Variants in GOPC observed in about 807,000 individuals in gnomAD.
GOPC encodes golgi associated PDZ and coiled-coil motif containing.
Under a neutral mutation model 51.2 loss-of-function variants are expected in GOPC, and 32 were observed. The observed-to-expected ratio is 0.63, with a 90% CI of 0.47 to 0.84. GOPC has a LOEUF of 0.84. GOPC is among the 40% of genes least tolerant of loss of function. GOPC has a pLI of 0.00. For missense variants in GOPC, 441 were observed against 555.5 expected, an observed-to-expected ratio of 0.79 and a Z score of 2.07; for synonymous variants, 190 against 205.1, an observed-to-expected ratio of 0.93 and a Z score of 0.63.
intron 7 of GOPC, 29 bp downstream of exon 7, chr6:117,569,543 C>A (rs1779764685): frequency 6.2e-7 from 1 of 1,608,768 alleles, no homozygotes; most frequent in African/African-American, 1.3e-5. Flanking sequence ...ATTGATAGAT[C>A]CAGTTCTAAT....
chr6:117,599,415 T>A (rs1771953356), intron 1 of GOPC, among the ~76,000 whole-genome samples: 1 of 152,202 alleles, frequency 6.6e-6, no homozygotes, highest in African/African-American at 2.4e-5. Flanking sequence ...TGAAATTCTG[T>A]AGATGGAACA....
intron 1 of GOPC, among the ~76,000 whole-genome samples, chr6:117,599,610 T>C (rs923081063): frequency 1.3e-5 from 2 of 152,210 alleles, no homozygotes; most frequent in Non-Finnish European, 2.9e-5. Context: ...TTAGGATTTT[T>C]CCCCTCCCCA....
intron 1 of GOPC, among the ~76,000 whole-genome samples, chr6:117,593,593 T>G (rs192270218): frequency 2.6e-5 from 4 of 152,332 alleles, no homozygotes; most frequent in Non-Finnish European, 4.4e-5. Flanking sequence ...TCTAGCTCCG[T>G]AGCCTCAGGC....
intron 3 of GOPC, among the ~76,000 whole-genome samples, chr6:117,576,828 C>A (rs930139297): frequency 1.3e-5 from 2 of 152,008 alleles, no homozygotes; most frequent in African/African-American, 4.8e-5. Flanking sequence ...CCAAGATGTT[C>A]ATTTTACATT....
At chr6:117,569,014 AAT>A (rs1199678991) in intron 7 of GOPC, among the ~76,000 whole-genome samples, 11 of 152,348 alleles carry the variant, frequency 7.2e-5, no homozygotes, top group Admixed American at 2.0e-4. Flanking sequence ...CTGTATGACA[AAT>A]ATGACTCCTG....
intron 7 of GOPC, among the ~76,000 whole-genome samples, chr6:117,567,736 CTGAG>C (rs1205673844): frequency 1.3e-5 from 2 of 152,050 alleles, no homozygotes; most frequent in Admixed American, 6.6e-5. Flanking sequence ...AACGAGAAAG[CTGAG>C]TGAGTCCTGC....
At chr6:117,575,570 G>C (rs772765026) in intron 3 of GOPC, 2 of 727,730 alleles carry the variant, frequency 2.7e-6, no homozygotes, top group South Asian at 1.4e-5. Context: ...CCCTGATATG[G>C]AGTATAGTAA....
rs1035885882 is a variant in GOPC, at chr6:117,602,503, G to C, written c.-215C>G. ...ACGGCGGCGACACACGGAAGACTCA[G>C]TCAGTCCCACCTCCCAGCCTGCCCC... On this transcript the variant is annotated 5_prime_UTR_variant, in exon 1 of 9. Coordinates refer to ENST00000368498, the MANE Select transcript of GOPC (RefSeq NM_020399.4). 3 of 585,572 alleles carry C rather than the reference G, an allele frequency of 5.1e-6. No homozygotes were observed. The highest frequency in any genetic ancestry group is 3.7e-5 in the African/African-American group (2 of 53,574). 36.3% of individuals were successfully genotyped at this position (585,572 alleles called of 1,614,324 possible).
At chr6:117,587,400 G>A (rs1470574497) in intron 1 of GOPC, among the ~76,000 whole-genome samples, 1 of 152,050 alleles carries the variant, frequency 6.6e-6, no homozygotes, top group Non-Finnish European at 1.5e-5. Flanking sequence ...AACTACTAGA[G>A]AAGCTAAGGC....
intron 1 of GOPC, among the ~76,000 whole-genome samples, chr6:117,579,515 C>A (rs1277607353): frequency 6.6e-6 from 1 of 151,976 alleles, no homozygotes; most frequent in Non-Finnish European, 1.5e-5. Flanking sequence ...TAGCCCAAAT[C>A]ATCCCAATCA....
intron 5 of GOPC, among the ~76,000 whole-genome samples, chr6:117,573,095 TAA>T (rs1036415666): frequency 4.6e-5 from 7 of 152,204 alleles, no homozygotes; most frequent in Admixed American, 1.3e-4. Context: ...AAAGTTCCCT[TAA>T]AGAACTACCC....
intron 7 of GOPC, among the ~76,000 whole-genome samples, chr6:117,568,993 T>G (rs1779753548): frequency 6.6e-6 from 1 of 152,174 alleles, no homozygotes; most frequent in African/African-American, 2.4e-5. Context: ...AAAACAACAT[T>G]TTAAGTACAA....
chr6:117,592,749 G>T (rs1780136894), intron 1 of GOPC, among the ~76,000 whole-genome samples: 2 of 152,076 alleles, frequency 1.3e-5, no homozygotes, highest in African/African-American at 4.8e-5. Flanking sequence ...TTTGGGGGTG[G>T]ATATGAATTT....
chr6:117,600,203 C>T (rs1324225701), intron 1 of GOPC, among the ~76,000 whole-genome samples: 1 of 152,158 alleles, frequency 6.6e-6, no homozygotes, highest in Non-Finnish European at 1.5e-5. Context: ...CATAGGGTGT[C>T]ACATGGCAAG....
rs192966265 is a variant in GOPC, at chr6:117,560,805, T to C, written c.*2449A>G. 1 of 213,368 alleles carries C rather than the reference T, an allele frequency of 4.7e-6. No homozygotes were observed. The highest frequency in any genetic ancestry group is 2.3e-5 in the African/African-American group (1 of 44,214). 13.2% of individuals were successfully genotyped at this position (213,368 alleles called of 1,614,324 possible). A position where few individuals can be genotyped will look rare whatever the true frequency, so the allele number is the denominator to read the frequency against. On this transcript the variant is annotated 3_prime_UTR_variant, in exon 9 of 9. Coordinates refer to ENST00000368498, the MANE Select transcript of GOPC (RefSeq NM_020399.4). The stretch of plus-strand genomic sequence containing the variant: ...AAAACGTTTTCTCAACCATTCTGTT[T>C]GTGTATACATGTGTGTATTTCTCCT...
intron 1 of GOPC, among the ~76,000 whole-genome samples, chr6:117,587,257 T>C (rs72965578): frequency 0.042 from 6,367 of 152,194 alleles, 200 homozygotes; most frequent in Non-Finnish European, 0.061. Context: ...CATTCTACAG[T>C]CTAGACAAGC....
intron 1 of GOPC, among the ~76,000 whole-genome samples, chr6:117,585,844 G>A (rs1381288162): frequency 6.6e-6 from 1 of 152,160 alleles, no homozygotes; most frequent in Non-Finnish European, 1.5e-5. Context: ...CATGCAAACA[G>A]GAACAGATGC....
At chr6:117,589,471 C>T (rs1022828672) in intron 1 of GOPC, among the ~76,000 whole-genome samples, 1 of 152,192 alleles carries the variant, frequency 6.6e-6, no homozygotes, top group African/African-American at 2.4e-5. Flanking sequence ...AGGCATGTAC[C>T]ACCATTCCTG....
chr6:117,577,475 C>T lies in GOPC; in HGVS notation c.451-4G>A. On this transcript the variant is annotated splice_region_variant and splice_polypyrimidine_tract_variant and intron_variant, in intron 2 of 8. Transcript: ENST00000368498. ...GCTCCTCCACAGAGGGGCCAGACTTCAGATATAAGAAAAAAGTTTTATAAT... is the reference window on the plus strand; with the variant it reads ...GCTCCTCCACAGAGGGGCCAGACTTTAGATATAAGAAAAAAGTTTTATAAT... 1 of 1,598,966 alleles carries T rather than the reference C, an allele frequency of 6.3e-7. No individual in the cohort carries two copies.
Sources: allele counts gnomAD v4.1 joint callset (sites outside exome capture counted in the v4.1 genomes callset), GRCh38; gene constraint gnomAD v4.1.1; transcripts MANE v1.5; gene names NCBI Gene and HGNC (gene_info 2026-07-23, HGNC 2026-07-21).